The following PTPRS variants were observed in gnomAD, a reference collection of about 807,000 sequenced individuals.
PTPRS encodes the protein receptor-type tyrosine-protein phosphatase S.
In PTPRS, 63 loss-of-function variants were observed where a neutral mutation model predicts 215.3. The observed-to-expected ratio is 0.29, with a 90% CI of 0.24 to 0.36. The LOEUF is 0.36. Among genes scored for constraint, PTPRS ranks in the 10% least tolerant of loss-of-function variants. The probability of loss-of-function intolerance (pLI) is 1.00; values close to 1 mark genes in which losing one functional copy is unlikely to be tolerated. For missense variants in PTPRS, 2,258 were observed against 2,825.8 expected, an observed-to-expected ratio of 0.80 and a Z score of 4.56; for synonymous variants, 1,404 against 1,191.4, an observed-to-expected ratio of 1.18 and a Z score of -3.68.
At position 5,210,583 on chromosome 19, in the gene PTPRS, G is replaced by A. The variant is rs151050830; in HGVS notation, c.5373C>T (p.His1791=). ...CAGAGCGCTCGGCCGGCCAGTACTGGTGACACTTCTCCTGTGGAGGAGATG... is the reference window on the plus strand; with the variant it reads ...CAGAGCGCTCGGCCGGCCAGTACTGATGACACTTCTCCTGTGGAGGAGATG... ...KLREMGREKC[H]QYWPAERSAR... The change falls in exon 35 of 38, where the codon CAC becomes CAT. Residue 1791 remains histidine (H), a synonymous_variant. Coordinates refer to ENST00000262963, the MANE Select transcript of PTPRS (RefSeq NM_002850.4). The surrounding 1 kb of genome is among the most constrained non-coding windows in gnomAD (Gnocchi z 4.5). The A allele has an allele frequency of 5.0e-6, 8 of 1,614,082 alleles. No homozygotes were observed. In the East Asian group the frequency reaches 1.6e-4, roughly 31 times the overall value.
chr19:5,207,677 G>GGGGACTGCA (rs2040488554), intron 37 of PTPRS, among the ~76,000 whole-genome samples: 1 of 152,178 alleles, frequency 6.6e-6, no homozygotes, highest in African/African-American at 2.4e-5. Flanking sequence ...GCTGTGACTT[G>GGGGACTGCA]GGGACTGCAA....
intron 1 of PTPRS, among the ~76,000 whole-genome samples, chr19:5,329,871 G>A (rs1035206149): frequency 2.0e-5 from 3 of 151,956 alleles, no homozygotes; most frequent in African/African-American, 4.8e-5. Context: ...GATCTCAGGA[G>A]TTCAACACCA....
At chr19:5,306,997 T>C (rs1450444581) in intron 1 of PTPRS, among the ~76,000 whole-genome samples, 2 of 152,154 alleles carry the variant, frequency 1.3e-5, no homozygotes, top group African/African-American at 4.8e-5. Flanking sequence ...GATAGGAGAT[T>C]GGTTAAGTAA....
chr19:5,294,379 C>T lies in PTPRS; in HGVS notation c.-94-8145G>A, dbSNP rs947359470. 1 of 152,352 alleles carries T rather than the reference C, an allele frequency of 6.6e-6. No individual in the cohort carries two copies. The highest frequency in any genetic ancestry group is 1.5e-5 in the Non-Finnish European group (1 of 68,148). 9.4% of individuals were successfully genotyped at this position (152,352 alleles called of 1,614,324 possible). A position where few individuals can be genotyped will look rare whatever the true frequency, so the allele number is the denominator to read the frequency against. On this transcript the variant is annotated intron_variant, in intron 1 of 37. Coordinates refer to ENST00000262963, the MANE Select transcript of PTPRS (RefSeq NM_002850.4). The surrounding 1 kb of genome is among the most constrained non-coding windows in gnomAD (Gnocchi z 5.1). ...GGGTCCAGAGGAGGAGCTCTCACCACAGCGCTGCTGGAGGCCTGGGGCCCC... is the reference window on the plus strand; with the variant it reads ...GGGTCCAGAGGAGGAGCTCTCACCATAGCGCTGCTGGAGGCCTGGGGCCCC...
At chr19:5,213,919 C>T (rs1285246054) in intron 30 of PTPRS, among the ~76,000 whole-genome samples, 1 of 152,188 alleles carries the variant, frequency 6.6e-6, no homozygotes, top group African/African-American at 2.4e-5. Context: ...CAGTTAAATA[C>T]ATATCTAAAA....
Position 5,229,625 on chromosome 19 carries a change from C to T in PTPRS, c.2215G>A (p.Val739Met). The change falls in exon 15 of 38, where the codon GTG (valine) becomes ATG (methionine). Residue 739 changes from valine (V) to methionine (M), a missense_variant. By Grantham distance (21) the Val-to-Met change is conservative (BLOSUM62 1). Coordinates refer to ENST00000262963, the MANE Select transcript of PTPRS (RefSeq NM_002850.4). ...CCGGGCGCGGGCGAGCGCCACAGCA[C>T]GCGGATGGCCGTGGCGTTGAGCGCC... The part of the protein sequence containing the change: ...AEALNATAIR[V>M]LWRSPAPGRQ... The T allele has an allele frequency of 2.9e-6, 4 of 1,383,740 alleles. No individual in the cohort carries two copies. The highest frequency in any genetic ancestry group is 3.1e-5 in the East Asian group (1 of 32,016). The allele number at this position is 1,383,740 out of a possible 1,614,324, so 85.7% of individuals were successfully genotyped here.
chr19:5,324,249 A>AG, intron 1 of PTPRS, among the ~76,000 whole-genome samples: 1 of 145,006 alleles, frequency 6.9e-6, no homozygotes, highest in African/African-American at 2.6e-5. Context: ...AAAAAAAAAA[A>AG]AAGAAAGAAA....
chr19:5,211,060 T>C (rs1018889814), intron 33 of PTPRS, among the ~76,000 whole-genome samples: 6 of 152,228 alleles, frequency 3.9e-5, no homozygotes, highest in Non-Finnish European at 7.3e-5. Flanking sequence ...TCTCCTGATT[T>C]CTTCCCTCCA....
chr19:5,271,592 G>T (rs1175271733), intron 4 of PTPRS, among the ~76,000 whole-genome samples: 1 of 151,768 alleles, frequency 6.6e-6, no homozygotes, highest in East Asian at 1.9e-4. Flanking sequence ...TACAGACAGG[G>T]TTTCACCATG....
Position 5,220,863 on chromosome 19 carries a change from C to T in PTPRS, c.3455+137G>A. ...ATGAGAAGCATTGAATCTTGGATGA[C>T]CCCATGAACTAGGGCTGATAGGGTC... On this transcript the variant is annotated intron_variant, in intron 20 of 37. Transcript: ENST00000262963. 9.9e-6 allele frequency: 10 copies of T among 1,012,210 alleles called. 1 individual carries two copies. The highest frequency in any genetic ancestry group is 7.8e-5 in the South Asian group (5 of 63,814). 62.7% of individuals were successfully genotyped at this position (1,012,210 alleles called of 1,614,324 possible).
Position 5,218,428 on chromosome 19 carries a change from T to C in PTPRS, c.4040A>G (p.Gln1347Arg). 6.2e-7 allele frequency: 1 copy of C among 1,613,584 alleles called. No individual in the cohort carries two copies. The highest frequency in any genetic ancestry group is 8.5e-7 in the Non-Finnish European group (1 of 1,179,782). The change falls in exon 25 of 38, where the codon CAG becomes CGG. Residue 1347 changes from glutamine to arginine, a missense_variant. Around this residue, in one of 6 missense-constraint regions of PTPRS, gnomAD observed 927 missense variants for 1,125.9 expected, o/e 0.82. Coordinates refer to ENST00000262963, the MANE Select transcript of PTPRS (RefSeq NM_002850.4). ...DPVEMRRINF[Q>R]TPDSGLRSPL... Reference sequence around the variant, plus strand: ...CAGGGATAAGTACATACCTGGAGTCTGGAAGTTAATGCGTCTCATTTCCAC... The same window carrying C: ...CAGGGATAAGTACATACCTGGAGTCCGGAAGTTAATGCGTCTCATTTCCAC...
Position 5,281,397 on chromosome 19 carries a change from G to A in PTPRS, c.91+4653C>T, listed in dbSNP as rs185549238. The stretch of plus-strand genomic sequence containing the variant: ...AATTGCTTGAATCCAGGAGGCAGAG[G>A]TTGCAGTGAGCTGAGATCACGCCAT... On this transcript the variant is annotated intron_variant, in intron 2 of 37. Transcript: ENST00000262963. Among the ~76,000 whole-genome samples, 502 of 152,270 alleles carry A rather than the reference G, an allele frequency of 3.3e-3. 5 individuals are homozygous for A. The highest frequency in any genetic ancestry group is 0.018 in the South Asian group (87 of 4,832).
intron 1 of PTPRS, among the ~76,000 whole-genome samples, chr19:5,308,260 A>G (rs1280155353): frequency 6.6e-6 from 1 of 152,144 alleles, no homozygotes; most frequent in South Asian, 2.1e-4. Context: ...CACTTCAAAC[A>G]GTTTTGCTAA....
Position 5,326,388 on chromosome 19 carries a change from A to T in PTPRS, c.-95+14276T>A, listed in dbSNP as rs1299112008. ...GGAACAGACAGAGGCAAAAGCAGCAAGAATTTAATGCCCTTGTTTTGCTCT... is the reference window on the plus strand; with the variant it reads ...GGAACAGACAGAGGCAAAAGCAGCATGAATTTAATGCCCTTGTTTTGCTCT... On this transcript the variant is annotated intron_variant, in intron 1 of 37. Coordinates refer to ENST00000262963, the MANE Select transcript of PTPRS (RefSeq NM_002850.4). Among the ~76,000 whole-genome samples the T allele has an allele frequency of 2.0e-5, 3 of 152,258 alleles. No individual in the cohort carries two copies. In the East Asian group the frequency reaches 5.8e-4, roughly 29 times the overall value.
At chr19:5,228,285 C>A (rs1239511132) in intron 16 of PTPRS, among the ~76,000 whole-genome samples, 1 of 134,250 alleles carries the variant, frequency 7.4e-6, no homozygotes, top group Non-Finnish European at 1.5e-5. Context: ...GTGGAGGTTG[C>A]AGTGAGCCGA....
chr19:5,260,562 G>A (rs921330183), intron 7 of PTPRS, among the ~76,000 whole-genome samples: 2 of 152,230 alleles, frequency 1.3e-5, no homozygotes, highest in African/African-American at 4.8e-5. Flanking sequence ...CTTCCCAGAG[G>A]GGGAGAGAGC....
intron 2 of PTPRS, among the ~76,000 whole-genome samples, chr19:5,282,870 C>G (rs1427018874): frequency 6.6e-6 from 1 of 152,052 alleles, no homozygotes; most frequent in Non-Finnish European, 1.5e-5. Flanking sequence ...GATTCCAACC[C>G]AGGCCTACCT....
chr19:5,273,449 G>A lies in PTPRS; in HGVS notation c.372C>T (p.Val124=), dbSNP rs1241596090. 1.9e-6 allele frequency: 3 copies of A among 1,614,056 alleles called. No individual in the cohort carries two copies. Among genetic ancestry groups the A allele is most frequent in the Non-Finnish European group, 1.7e-6 (2 of 1,180,034 alleles). ...GEITVHAKLT[V]LREDQLPSGF... ...CCCTGAGGAGCCCAATACCTCGGAG[G>A]ACAGTAAGCTTGGCATGGACTGTGA... is the stretch of plus-strand genomic sequence containing the variant. The change falls in exon 4 of 38, where the codon GTC becomes GTT. Residue 124 remains valine (V), a synonymous_variant. Coordinates refer to ENST00000262963, the MANE Select transcript of PTPRS (RefSeq NM_002850.4).
intron 5 of PTPRS, among the ~76,000 whole-genome samples, chr19:5,264,673 A>G (rs1247186462): frequency 6.6e-6 from 1 of 152,100 alleles, no homozygotes; most frequent in African/African-American, 2.4e-5. Flanking sequence ...TCACTGCCTG[A>G]GCATGGGAGA....
Sources: allele counts gnomAD v4.1 joint callset (sites outside exome capture counted in the v4.1 genomes callset), GRCh38; gene constraint gnomAD v4.1.1; regional missense constraint gnomAD v4.1.1; non-coding constraint Gnocchi (gnomAD v3.1); transcripts MANE v1.5; gene names NCBI Gene and HGNC (gene_info 2026-07-23, HGNC 2026-07-21).